Variants in TBC1D22A observed in about 807,000 individuals in gnomAD.
The protein encoded by TBC1D22A is TBC1 domain family member 22A.
A neutral mutation model predicts 60.2 loss-of-function variants in TBC1D22A; 38 were observed. The ratio of observed to expected loss-of-function variants is 0.63; its 90% CI spans 0.49 to 0.83. The LOEUF (loss-of-function observed/expected upper bound fraction) is 0.83. Among genes scored for constraint, TBC1D22A ranks in the 40% least tolerant of loss-of-function variants. The pLI, the probability that TBC1D22A is intolerant of heterozygous loss-of-function variation, is 0.00. For missense variants in TBC1D22A, 628 were observed against 701.0 expected (o/e 0.90, Z 1.18); for synonymous variants, 302 against 281.7 (o/e 1.07, Z -0.72).
At chr22:46,999,179 A>G (rs749333826) in intron 10 of TBC1D22A, among the ~76,000 whole-genome samples, 2 of 152,076 alleles carry the variant, frequency 1.3e-5, no homozygotes, top group African/African-American at 2.4e-5. Context: ...ACTTGAATTG[A>G]TTTTCTCTGG....
chr22:47,042,356 C>T (rs1379868852), intron 11 of TBC1D22A, among the ~76,000 whole-genome samples: 3 of 152,144 alleles, frequency 2.0e-5, no homozygotes, highest in East Asian at 3.9e-4. Context: ...GCAGTGGGGG[C>T]GCCATGGCTC....
chr22:46,919,319 G>A (rs1394411193), intron 8 of TBC1D22A, among the ~76,000 whole-genome samples: 1 of 152,164 alleles, frequency 6.6e-6, no homozygotes, highest in Admixed American at 6.5e-5. Flanking sequence ...GTTCATCCAC[G>A]CAGCGTGAAT....
intron 10 of TBC1D22A, among the ~76,000 whole-genome samples, chr22:47,019,916 C>CCCCTCTCCCTTATCCCTCCATCATG (rs1569345154): frequency 8.1e-6 from 1 of 122,970 alleles, no homozygotes; most frequent in Non-Finnish European, 1.8e-5. Context: ...TCTCCATCCT[C>CCCCTCTCCCTTATCCCTCCATCATG]CCCTCTCCCT....
chr22:47,056,839 G>C (rs576040641), intron 11 of TBC1D22A, among the ~76,000 whole-genome samples: 1 of 152,192 alleles, frequency 6.6e-6, no homozygotes, highest in African/African-American at 2.4e-5. Flanking sequence ...GTGGGGTCAC[G>C]GCATTTTACC....
chr22:47,020,928 T>A (rs2062065087), intron 10 of TBC1D22A, among the ~76,000 whole-genome samples: 1 of 151,774 alleles, frequency 6.6e-6, no homozygotes, highest in African/African-American at 2.4e-5. Flanking sequence ...TCCCTTTGCT[T>A]CTGAAGTAAG....
intron 12 of TBC1D22A, among the ~76,000 whole-genome samples, chr22:47,146,147 T>G (rs1268241623): frequency 6.7e-6 from 1 of 149,000 alleles, no homozygotes; most frequent in Non-Finnish European, 1.5e-5. Context: ...TGCTGTCCCT[T>G]AAAACAGGGG....
At chr22:46,862,007 C>T (rs2087916384) in intron 4 of TBC1D22A, among the ~76,000 whole-genome samples, 1 of 152,216 alleles carries the variant, frequency 6.6e-6, no homozygotes, top group Non-Finnish European at 1.5e-5. Context: ...TGTATGGCCT[C>T]CCTGGCCTTG....
At chr22:46,877,471 A>T (rs145388329) in intron 4 of TBC1D22A, among the ~76,000 whole-genome samples, 177 of 152,326 alleles carry the variant, frequency 1.2e-3, no homozygotes, top group Middle Eastern at 3.4e-3. Context: ...GTCGGTAAAC[A>T]TTACATTATT....
intron 9 of TBC1D22A, among the ~76,000 whole-genome samples, chr22:46,989,545 C>T (rs1273641224): frequency 1.3e-5 from 2 of 151,896 alleles, no homozygotes; most frequent in Middle Eastern, 3.4e-3. Context: ...ATAGGAAGGC[C>T]CGAGGAGAGG....
chr22:46,784,842 C>T (rs2084091034), intron 1 of TBC1D22A, among the ~76,000 whole-genome samples: 1 of 152,192 alleles, frequency 6.6e-6, no homozygotes, highest in South Asian at 2.1e-4. Context: ...ATACGGTTAT[C>T]TCATTTCATA....
chr22:47,111,725 C>T (rs1018126518), intron 12 of TBC1D22A, 122 bp downstream of exon 12: 9 of 835,204 alleles, frequency 1.1e-5, no homozygotes, highest in African/African-American at 1.7e-5. Flanking sequence ...TGCATTTCGC[C>T]GCTGACCTCC....
intron 10 of TBC1D22A, among the ~76,000 whole-genome samples, chr22:47,015,122 G>T (rs1008579748): frequency 6.6e-6 from 1 of 152,216 alleles, no homozygotes; most frequent in African/African-American, 2.4e-5. Flanking sequence ...TGTTTTGGGG[G>T]CACAGAGCCA....
intron 4 of TBC1D22A, among the ~76,000 whole-genome samples, chr22:46,806,193 C>T (rs890128136): frequency 1.3e-5 from 2 of 152,262 alleles, no homozygotes; most frequent in South Asian, 2.1e-4. Flanking sequence ...CAGTGCCGAG[C>T]GCTGTGTGGA....
At chr22:46,796,152 G>A (rs951946705) in intron 3 of TBC1D22A, among the ~76,000 whole-genome samples, 6 of 152,142 alleles carry the variant, frequency 3.9e-5, no homozygotes, top group African/African-American at 1.4e-4. Context: ...GGGGTTGGGG[G>A]GAGTCAGGGA....
At chr22:46,866,874 A>G (rs2067080763) in intron 4 of TBC1D22A, among the ~76,000 whole-genome samples, 2 of 152,240 alleles carry the variant, frequency 1.3e-5, no homozygotes, top group African/African-American at 4.8e-5. Flanking sequence ...ACTGTTTTCA[A>G]GGAGTGGATT....
chr22:46,974,528 A>T, intron 9 of TBC1D22A, 129 bp downstream of exon 9: 1 of 749,832 alleles, frequency 1.3e-6, no homozygotes, highest in Non-Finnish European at 2.3e-6. Context: ...ACTTTTCTAC[A>T]TCTGGAATAG....
At chr22:47,138,940 A>T (rs1260071498) in intron 12 of TBC1D22A, among the ~76,000 whole-genome samples, 2 of 152,160 alleles carry the variant, frequency 1.3e-5, no homozygotes, top group Admixed American at 1.3e-4. Flanking sequence ...GCTTCCTAAT[A>T]CTACCACCTT....
At chr22:46,773,081 T>C (rs901691309) in intron 1 of TBC1D22A, among the ~76,000 whole-genome samples, 2 of 152,238 alleles carry the variant, frequency 1.3e-5, no homozygotes, top group African/African-American at 2.4e-5. Flanking sequence ...CTGTCCTGGC[T>C]CTGTGGCCTG....
At chr22:46,933,794 T>A (rs2071490376) in intron 8 of TBC1D22A, among the ~76,000 whole-genome samples, 1 of 152,238 alleles carries the variant, frequency 6.6e-6, no homozygotes, top group African/African-American at 2.4e-5. Flanking sequence ...CTGTTTCATT[T>A]TCATTTATTT....
Sources: gnomAD v4.1 joint callset for allele counts (sites outside exome capture counted in the v4.1 genomes callset) on GRCh38, gnomAD v4.1.1 for gene constraint, MANE v1.5 for transcripts, NCBI Gene and HGNC (gene_info 2026-07-23, HGNC 2026-07-21) for gene names.